The following SAMTOR variants were observed in gnomAD, a reference collection of about 807,000 sequenced individuals.
SAMTOR encodes the protein UPF0532 protein C7orf60.
the SAMTOR span, among the ~76,000 whole-genome samples, chr7:112,882,848 C>T: frequency 6.6e-6 from 1 of 150,550 alleles, no homozygotes; most frequent in Admixed American, 6.6e-5. Context: ...AGGATCACCT[C>T]CAATATTAAA....
the SAMTOR span, among the ~76,000 whole-genome samples, chr7:112,868,576 C>T: frequency 6.6e-6 from 1 of 152,038 alleles, no homozygotes; most frequent in Non-Finnish European, 1.5e-5. Context: ...GGAAAGACAC[C>T]AGGAAGCTGC....
chr7:112,832,715 G>C, the SAMTOR span: 1 of 1,252,112 alleles, frequency 8.0e-7, no homozygotes. Context: ...TCAAATATGA[G>C]AATGTAAGAA....
chr7:112,919,851 G>T, the SAMTOR span, among the ~76,000 whole-genome samples: 1 of 152,050 alleles, frequency 6.6e-6, no homozygotes, highest in Non-Finnish European at 1.5e-5. Context: ...AAATCTAGAA[G>T]AAATGGATAA....
the SAMTOR span, among the ~76,000 whole-genome samples, chr7:112,919,677 A>T: frequency 6.6e-6 from 1 of 152,088 alleles, no homozygotes; most frequent in Non-Finnish European, 1.5e-5. Context: ...TTTTGAAAGG[A>T]TCAACAAAAT....
chr7:112,875,582 A>G, the SAMTOR span, among the ~76,000 whole-genome samples: 1 of 152,104 alleles, frequency 6.6e-6, no homozygotes, highest in African/African-American at 2.4e-5. Flanking sequence ...GGTAGAACTG[A>G]TCTGAATTTC....
chr7:112,843,520 T>C, the SAMTOR span, among the ~76,000 whole-genome samples: 1 of 151,912 alleles, frequency 6.6e-6, no homozygotes, highest in South Asian at 2.1e-4. Context: ...AAATTTTAAT[T>C]GGAGTGAAAC....
At chr7:112,925,745 G>A in the SAMTOR span, among the ~76,000 whole-genome samples, 1 of 148,512 alleles carries the variant, frequency 6.7e-6, no homozygotes, top group Non-Finnish European at 1.5e-5. Context: ...AGTGAGCTGA[G>A]ATCATGCCAT....
the SAMTOR span, among the ~76,000 whole-genome samples, chr7:112,839,973 A>T: frequency 5.9e-5 from 9 of 151,904 alleles, no homozygotes; most frequent in East Asian, 1.7e-3. Flanking sequence ...GAGTCTGACA[A>T]TCTATGTTTT....
chr7:112,828,674 A>G, the SAMTOR span, among the ~76,000 whole-genome samples: 2 of 152,198 alleles, frequency 1.3e-5, no homozygotes, highest in Non-Finnish European at 2.9e-5. Context: ...TTAAACAACA[A>G]GAGAAAATCT....
At chr7:112,922,663 T>G in the SAMTOR span, among the ~76,000 whole-genome samples, 4 of 150,750 alleles carry the variant, frequency 2.7e-5, no homozygotes, top group African/African-American at 4.9e-5. Context: ...ATCTGGGAGG[T>G]GAGGAGCGTC....
chr7:112,932,749 G>T, the SAMTOR span, among the ~76,000 whole-genome samples: 1 of 152,140 alleles, frequency 6.6e-6, no homozygotes, highest in Non-Finnish European at 1.5e-5. Context: ...AGGATTCTGT[G>T]CTAGGTGCTG....
At chr7:112,819,930 T>G in the SAMTOR span, 1 of 152,506 alleles carries the variant, frequency 6.6e-6, no homozygotes, top group African/African-American at 2.4e-5. Flanking sequence ...AAGAGTTCTG[T>G]ATTATCCTTA....
At chr7:112,892,253 G>GTTCCATTACTTT in the SAMTOR span, among the ~76,000 whole-genome samples, 1,619 of 152,110 alleles carry the variant, frequency 0.011, 30 homozygotes, top group African/African-American at 0.037. Flanking sequence ...TCTAATTCTA[G>GTTCCATTACTTT]TTTTTCCCAC....
At chr7:112,910,388 A>G in the SAMTOR span, among the ~76,000 whole-genome samples, 4 of 152,194 alleles carry the variant, frequency 2.6e-5, no homozygotes, top group Middle Eastern at 3.2e-3. Context: ...TCTTTTATTT[A>G]CAAAAGAATG....
At chr7:112,892,157 T>C in the SAMTOR span, among the ~76,000 whole-genome samples, 31 of 152,342 alleles carry the variant, frequency 2.0e-4, 1 homozygote, top group South Asian at 6.2e-3. Flanking sequence ...AGACACTTCC[T>C]TTGCTCATCC....
the SAMTOR span, among the ~76,000 whole-genome samples, chr7:112,870,048 G>A: frequency 5.9e-5 from 9 of 152,124 alleles, no homozygotes; most frequent in Non-Finnish European, 1.3e-4. Context: ...GGAAATAAGG[G>A]ATTATGTAAA....
chr7:112,832,188 A>G, the SAMTOR span, among the ~76,000 whole-genome samples: 1 of 151,048 alleles, frequency 6.6e-6, no homozygotes, highest in Non-Finnish European at 1.5e-5. Flanking sequence ...CATTTTTTTT[A>G]TTTTTTAGTA....
the SAMTOR span, chr7:112,819,690 GGAGCA>G: frequency 6.6e-6 from 1 of 152,490 alleles, no homozygotes; most frequent in Non-Finnish European, 1.5e-5. Flanking sequence ...TGCACACTTT[GGAGCA>G]TAAGCAGAAT....
chr7:112,832,551 C>G, the SAMTOR span: 1 of 1,468,734 alleles, frequency 6.8e-7, no homozygotes, highest in Non-Finnish European at 9.5e-7. Flanking sequence ...AAAAACAAAA[C>G]TATGCATACC....
Sources: gnomAD v4.1 joint callset for allele counts (sites outside exome capture counted in the v4.1 genomes callset) on GRCh38, gnomAD v4.1.1 for gene constraint, MANE v1.5 for transcripts, NCBI Gene and HGNC (gene_info 2026-07-23, HGNC 2026-07-21) for gene names.